Variants in LMBRD1 observed in about 807,000 individuals in gnomAD.
LMBRD1 encodes the protein lysosomal cobalamin transport escort protein LMBD1.
LMBRD1 carries 64 observed loss-of-function variants against 74.8 expected under a neutral mutation model. The observed-to-expected ratio is 0.86, with a 90% CI of 0.70 to 1.05. The LOEUF (loss-of-function observed/expected upper bound fraction) is 1.05, where lower values mean the gene tolerates loss of function less well. Among genes scored for constraint, LMBRD1 ranks in the 50% least tolerant of loss-of-function variants. The pLI, the probability that LMBRD1 is intolerant of heterozygous loss-of-function variation, is 0.00. For missense variants in LMBRD1, 652 were observed against 645.9 expected, an observed-to-expected ratio of 1.01 and a Z score of -0.10; for synonymous variants, 204 against 216.3, an observed-to-expected ratio of 0.94 and a Z score of 0.50.
intron 7 of LMBRD1, among the ~76,000 whole-genome samples, chr6:69,727,966 T>G (rs775242687): frequency 1.3e-5 from 2 of 152,190 alleles, no homozygotes; most frequent in African/African-American, 4.8e-5. Context: ...TATTTACCAA[T>G]TCTCATTACT....
At chr6:69,765,607 A>G (rs1275420573) in intron 3 of LMBRD1, among the ~76,000 whole-genome samples, 1 of 152,064 alleles carries the variant, frequency 6.6e-6, no homozygotes, top group Admixed American at 6.5e-5. Context: ...GTTGACTTCC[A>G]CGTAAATTTT....
Position 69,700,929 on chromosome 6 carries a change from A to G in LMBRD1, c.1084-60T>C, listed in dbSNP as rs916055726. 50 of 1,071,834 alleles carry G rather than the reference A, an allele frequency of 4.7e-5. No homozygotes were observed. The Admixed American group carries it at 1.6e-3, about 34-fold the overall frequency. 66.4% of individuals were successfully genotyped at this position (1,071,834 alleles called of 1,614,324 possible). ...AAACTATAAGCACTCTAACAGTCAT[A>G]TAAAATAAGCTAAAAACTTCATTAT... On this transcript the variant is annotated intron_variant, in intron 11 of 15. Transcript: ENST00000649934.
chr6:69,776,916 A>G (rs2445973), intron 3 of LMBRD1, among the ~76,000 whole-genome samples: 87,315 of 151,940 alleles, frequency 0.57, 25,551 homozygotes, highest in East Asian at 0.74. Flanking sequence ...GCACTTTGAG[A>G]CGGGCAGATC....
intron 3 of LMBRD1, among the ~76,000 whole-genome samples, chr6:69,760,933 C>G (rs888675287): frequency 6.6e-6 from 1 of 152,090 alleles, no homozygotes; most frequent in South Asian, 2.1e-4. Context: ...CTCTCCCTTG[C>G]GGAATCTTGG....
chr6:69,700,665 TA>T (rs1766106524), intron 12 of LMBRD1, 99 bp downstream of exon 12: 1 of 812,660 alleles, frequency 1.2e-6, no homozygotes, highest in Non-Finnish European at 1.8e-6. Flanking sequence ...ACTTGTGGTA[TA>T]AAGATACAGC....
At chr6:69,702,286 G>GACAC (rs56690836) in intron 9 of LMBRD1, among the ~76,000 whole-genome samples, 23 of 149,370 alleles carry the variant, frequency 1.5e-4, no homozygotes, top group African/African-American at 4.2e-4. Context: ...CTAACACACA[G>GACAC]ACACACACAC....
intron 2 of LMBRD1, among the ~76,000 whole-genome samples, chr6:69,786,581 G>C (rs538616458): frequency 1.3e-4 from 20 of 151,616 alleles, no homozygotes; most frequent in Admixed American, 1.2e-3. Context: ...AGCACTTCCA[G>C]CTGTACTCTA....
chr6:69,685,230 C>T (rs1039199537), intron 14 of LMBRD1, among the ~76,000 whole-genome samples: 2 of 151,854 alleles, frequency 1.3e-5, no homozygotes, highest in African/African-American at 2.4e-5. Flanking sequence ...AGGGGTAGGG[C>T]GAAGATTTTT....
intron 9 of LMBRD1, among the ~76,000 whole-genome samples, chr6:69,712,690 T>C (rs751654285): frequency 1.1e-4 from 17 of 151,976 alleles, no homozygotes; most frequent in African/African-American, 2.4e-4. Context: ...AGTATAGATA[T>C]AGAAATTAGA....
At chr6:69,780,040 C>T (rs1010480366) in intron 3 of LMBRD1, among the ~76,000 whole-genome samples, 4 of 151,960 alleles carry the variant, frequency 2.6e-5, no homozygotes, top group East Asian at 1.9e-4. Flanking sequence ...GCGACATGGC[C>T]GTCCCCACAT....
intron 9 of LMBRD1, among the ~76,000 whole-genome samples, chr6:69,704,576 C>T (rs935964405): frequency 1.3e-5 from 2 of 152,094 alleles, no homozygotes; most frequent in Non-Finnish European, 2.9e-5. Context: ...ATCAGATGTT[C>T]CAAGCTTATT....
chr6:69,742,780 A>G (rs1407253022), intron 5 of LMBRD1, among the ~76,000 whole-genome samples: 2 of 152,178 alleles, frequency 1.3e-5, no homozygotes, highest in African/African-American at 2.4e-5. Context: ...TGTAAAACAA[A>G]GTAATTACTC....
chr6:69,751,039 A>G (rs996547673), intron 4 of LMBRD1, among the ~76,000 whole-genome samples: 1 of 152,122 alleles, frequency 6.6e-6, no homozygotes, highest in Non-Finnish European at 1.5e-5. Context: ...GTCTTATTGT[A>G]TAACTGTTCC....
chr6:69,756,362 C>CAAAAAAAAA (rs57798368), intron 3 of LMBRD1, among the ~76,000 whole-genome samples: 2 of 110,404 alleles, frequency 1.8e-5, no homozygotes, highest in African/African-American at 6.9e-5. Flanking sequence ...GACTCAATCT[C>CAAAAAAAAA]AAAAAAAAAA....
chr6:69,729,768 G>A (rs1025027944), intron 7 of LMBRD1, among the ~76,000 whole-genome samples: 1 of 151,896 alleles, frequency 6.6e-6, no homozygotes, highest in Non-Finnish European at 1.5e-5. Context: ...CGAAGACAAC[G>A]TAGAAGAAAG....
At chr6:69,717,532 T>C (rs772347653) in intron 8 of LMBRD1, among the ~76,000 whole-genome samples, 7 of 152,208 alleles carry the variant, frequency 4.6e-5, no homozygotes, top group Non-Finnish European at 1.0e-4. Flanking sequence ...TAGCAAATAC[T>C]CTGACATCTA....
At chr6:69,781,849 A>C (rs1162416050) in intron 2 of LMBRD1, among the ~76,000 whole-genome samples, 3 of 152,152 alleles carry the variant, frequency 2.0e-5, no homozygotes, top group African/African-American at 7.2e-5. Flanking sequence ...AATATATATC[A>C]CCAATCAAAA....
Position 69,689,677 on chromosome 6 carries a change from G to C in LMBRD1, c.1417+7886C>G, listed in dbSNP as rs564596316. Among the ~76,000 whole-genome samples the C allele has an allele frequency of 9.7e-4, 147 of 152,126 alleles. 1 individual carries two copies. The highest frequency in any genetic ancestry group is 1.6e-3 in the Non-Finnish European group (106 of 67,948). On this transcript the variant is annotated intron_variant, in intron 14 of 15. Transcript: ENST00000649934. ...CTTGTTCTAAGTTTTATTTAGCATA[G>C]AGGCATGGAAATATTCCTGCCCCAG...
chr6:69,742,330 G>A (rs1482768438), intron 5 of LMBRD1, among the ~76,000 whole-genome samples: 1 of 151,964 alleles, frequency 6.6e-6, no homozygotes, highest in Non-Finnish European at 1.5e-5. Flanking sequence ...TGTGGAATCG[G>A]GAGTGATTAT....
Sources: gnomAD v4.1 joint callset for allele counts (sites outside exome capture counted in the v4.1 genomes callset) on GRCh38, gnomAD v4.1.1 for gene constraint, MANE v1.5 for transcripts, NCBI Gene and HGNC (gene_info 2026-07-23, HGNC 2026-07-21) for gene names.